Variants in L3MBTL4 observed in about 807,000 individuals in gnomAD.
The protein encoded by L3MBTL4 is lethal(3)malignant brain tumor-like protein 4.
Under a neutral mutation model 84.5 loss-of-function variants are expected in L3MBTL4, and 70 were observed. That is an observed-to-expected ratio of 0.83 (90% CI 0.68 to 1.01). L3MBTL4 has a LOEUF of 1.01. L3MBTL4 is among the 50% of genes least tolerant of loss of function. The pLI is 0.00. For missense variants in L3MBTL4, 715 were observed against 754.8 expected, an observed-to-expected ratio of 0.95 and a Z score of 0.62; for synonymous variants, 274 against 259.8, an observed-to-expected ratio of 1.05 and a Z score of -0.52.
intron 1 of L3MBTL4, among the ~76,000 whole-genome samples, 154 bp from the exon 2 acceptor site, chr18:6,312,210 T>C (rs2146951906): frequency 6.6e-6 from 1 of 152,324 alleles, no homozygotes; most frequent in Middle Eastern, 3.4e-3. Context: ...CAACCATCAA[T>C]ACCAAACGAG....
chr18:6,021,154 A>T (rs949082052), intron 16 of L3MBTL4, among the ~76,000 whole-genome samples: 4 of 152,176 alleles, frequency 2.6e-5, no homozygotes, highest in African/African-American at 9.6e-5. Flanking sequence ...CCCTGGACAC[A>T]GTCCTCGAGT....
chr18:6,152,050 A>T lies in L3MBTL4; in HGVS notation c.1097-13754T>A, dbSNP rs75778208. ...CTCCAGTTTATCCATGATATTGGAAATGACAGGATTTCTTTCTTTTTATGG... is the reference window on the plus strand; with the variant it reads ...CTCCAGTTTATCCATGATATTGGAATTGACAGGATTTCTTTCTTTTTATGG... On this transcript the variant is annotated intron_variant, in intron 13 of 18. Coordinates refer to ENST00000317931, the MANE Select transcript of L3MBTL4 (RefSeq NM_001330559.2). Among the ~76,000 whole-genome samples, 1,188 of 152,358 alleles carry T rather than the reference A, an allele frequency of 7.8e-3. 17 individuals carry two copies. Among genetic ancestry groups the T allele is most frequent in the African/African-American group, 0.027 (1,139 of 41,582 alleles).
chr18:6,356,051 C>T, intron 1 of L3MBTL4, among the ~76,000 whole-genome samples: 1 of 152,200 alleles, frequency 6.6e-6, no homozygotes, highest in East Asian at 1.9e-4. Flanking sequence ...GAGGCCTGAA[C>T]TTCAGACAGC....
chr18:6,266,696 G>A (rs2146415501), intron 4 of L3MBTL4, among the ~76,000 whole-genome samples: 1 of 152,312 alleles, frequency 6.6e-6, no homozygotes, highest in South Asian at 2.1e-4. Context: ...AGCTGAGGCA[G>A]GTGAATCACC....
intron 16 of L3MBTL4, among the ~76,000 whole-genome samples, chr18:6,079,159 T>C (rs530605617): frequency 4.6e-5 from 7 of 152,200 alleles, no homozygotes; most frequent in African/African-American, 1.4e-4. Context: ...AGCCTAGGTG[T>C]TGGGGACTCC....
At chr18:6,059,477 C>T (rs529823816) in intron 16 of L3MBTL4, among the ~76,000 whole-genome samples, 1 of 152,212 alleles carries the variant, frequency 6.6e-6, no homozygotes, top group South Asian at 2.1e-4. Context: ...AAACCTTAAA[C>T]CAAAGTCTTG....
At chr18:5,991,233 C>G (rs2053683946) in intron 16 of L3MBTL4, among the ~76,000 whole-genome samples, 1 of 152,140 alleles carries the variant, frequency 6.6e-6, no homozygotes, top group African/African-American at 2.4e-5. Flanking sequence ...CTGTAGCACA[C>G]TATCTTTTTC....
At chr18:5,962,736 A>C (rs684493) in intron 17 of L3MBTL4, among the ~76,000 whole-genome samples, 5,177 of 152,324 alleles carry the variant, frequency 0.034, 270 homozygotes, top group African/African-American at 0.11. Context: ...ATGGTCCAGC[A>C]GGGTCTGTAC....
intron 1 of L3MBTL4, among the ~76,000 whole-genome samples, chr18:6,340,096 T>G (rs893031544): frequency 6.6e-5 from 10 of 152,168 alleles, no homozygotes; most frequent in African/African-American, 2.4e-4. Context: ...CCTAAAAACC[T>G]AAGAACATTA....
intron 4 of L3MBTL4, among the ~76,000 whole-genome samples, chr18:6,291,687 C>G (rs918760903): frequency 6.6e-6 from 1 of 152,130 alleles, no homozygotes; most frequent in Non-Finnish European, 1.5e-5. Flanking sequence ...TCACCATACA[C>G]AGAAATCAAA....
At chr18:6,168,605 G>A (rs577450375) in intron 13 of L3MBTL4, among the ~76,000 whole-genome samples, 1 of 152,290 alleles carries the variant, frequency 6.6e-6, no homozygotes, top group Non-Finnish European at 1.5e-5. Flanking sequence ...AAATGGTGCT[G>A]GGAAAACTGG....
At chr18:6,380,622 C>T (rs571566990) in intron 1 of L3MBTL4, among the ~76,000 whole-genome samples, 12 of 152,168 alleles carry the variant, frequency 7.9e-5, no homozygotes, top group South Asian at 2.1e-4. Context: ...TGTAGTTGTG[C>T]GGTTTTAAGT....
chr18:6,047,586 G>T (rs769980270), intron 16 of L3MBTL4, among the ~76,000 whole-genome samples: 33 of 152,164 alleles, frequency 2.2e-4, no homozygotes, highest in Non-Finnish European at 3.7e-4. Flanking sequence ...GGGATGCAAG[G>T]TTGGTTCAAC....
chr18:6,244,326 A>T (rs562787306), intron 6 of L3MBTL4, among the ~76,000 whole-genome samples, 158 bp downstream of exon 6: 2 of 152,224 alleles, frequency 1.3e-5, no homozygotes, highest in East Asian at 3.8e-4. Flanking sequence ...AAGGAAAAAA[A>T]TTCACTAAGA....
intron 16 of L3MBTL4, among the ~76,000 whole-genome samples, chr18:5,992,487 A>G (rs17483213): frequency 0.045 from 6,792 of 151,936 alleles, 176 homozygotes; most frequent in Middle Eastern, 0.11. Context: ...ACTTTGAACA[A>G]CTCCTGGAAG....
chr18:5,969,652 G>T, intron 16 of L3MBTL4, 90 bp from the exon 17 acceptor site: 1 of 1,353,508 alleles, frequency 7.4e-7, no homozygotes, highest in Non-Finnish European at 1.0e-6. Context: ...CCCAAGTCAG[G>T]GGACGGAAAG....
intron 1 of L3MBTL4, among the ~76,000 whole-genome samples, chr18:6,371,685 A>G (rs531768065): frequency 6.6e-6 from 1 of 152,224 alleles, no homozygotes; most frequent in African/African-American, 2.4e-5. Context: ...ATGCTTAGAG[A>G]ACTTTCCTAA....
intron 1 of L3MBTL4, among the ~76,000 whole-genome samples, chr18:6,336,702 G>C (rs975281404): frequency 6.6e-6 from 1 of 152,146 alleles, no homozygotes; most frequent in Non-Finnish European, 1.5e-5. Context: ...CAGAAAAAAG[G>C]GTGAACTCTC....
chr18:5,991,619 C>CA (rs2053703655), intron 16 of L3MBTL4, among the ~76,000 whole-genome samples: 1 of 152,128 alleles, frequency 6.6e-6, no homozygotes, highest in Non-Finnish European at 1.5e-5. Context: ...GGTAAAATAA[C>CA]AAAAAATTCA....
Sources: allele counts gnomAD v4.1 joint callset (sites outside exome capture counted in the v4.1 genomes callset), GRCh38; gene constraint gnomAD v4.1.1; transcripts MANE v1.5; gene names NCBI Gene and HGNC (gene_info 2026-07-23, HGNC 2026-07-21).